GPBP1L1: variants seen among roughly 807,000 people sequenced by gnomAD.
GPBP1L1 encodes GC-rich promoter binding protein 1 like 1.
In GPBP1L1, 23 loss-of-function variants were observed where a neutral mutation model predicts 52.5. The observed-to-expected ratio is 0.44, with a 90% CI of 0.32 to 0.62. The LOEUF (loss-of-function observed/expected upper bound fraction) is 0.62, where lower values mean the gene tolerates loss of function less well. Ranked by LOEUF, GPBP1L1 falls within the 20% of genes least tolerant of loss-of-function variation. The pLI is 0.06. For synonymous variants in GPBP1L1, 243 were observed against 203.1 expected (o/e 1.20, Z -1.67); for missense variants, 596 against 579.3 (o/e 1.03, Z -0.30).
chr1:45,664,471 CAGG>C (rs1644985474), intron 2 of GPBP1L1, among the ~76,000 whole-genome samples: 2 of 152,078 alleles, frequency 1.3e-5, no homozygotes, highest in South Asian at 4.2e-4. Flanking sequence ...GAGGCTGAGG[CAGG>C]AGAATGGCGT....
At chr1:45,629,772 G>A in intron 11 of GPBP1L1, 94 bp from the exon 12 acceptor site, 1 of 804,040 alleles carries the variant, frequency 1.2e-6, no homozygotes, top group Non-Finnish European at 2.1e-6. Context: ...TTCTGCCCAG[G>A]GGCAATGGAT....
At chr1:45,647,860 G>A (rs1165664976) in intron 6 of GPBP1L1, among the ~76,000 whole-genome samples, 2 of 152,152 alleles carry the variant, frequency 1.3e-5, no homozygotes, top group East Asian at 1.9e-4. Context: ...AGGGAAATGG[G>A]GGACTCATTC....
Position 45,627,918 on chromosome 1 carries a change from A to G in GPBP1L1, c.*338T>C, listed in dbSNP as rs1644476696. 1.1e-5 allele frequency: 2 copies of G among 187,954 alleles called. No homozygotes were observed. Among genetic ancestry groups the G allele is most frequent in the Middle Eastern group, 2.0e-3 (1 of 488 alleles). The allele number at this position is 187,954 out of a possible 1,614,324, so 11.6% of individuals were successfully genotyped here. On this transcript the variant is annotated 3_prime_UTR_variant, in exon 13 of 13. Transcript: ENST00000355105. ...AGGGGTGAGTGCCCCAAGGGCTGGTAGTAGAAGCTGTTGCTGCAGACCAGT... is the reference window on the plus strand; with the variant it reads ...AGGGGTGAGTGCCCCAAGGGCTGGTGGTAGAAGCTGTTGCTGCAGACCAGT...
chr1:45,662,754 A>G (rs1049362130), intron 2 of GPBP1L1, among the ~76,000 whole-genome samples: 2 of 152,094 alleles, frequency 1.3e-5, no homozygotes, highest in African/African-American at 2.4e-5. Flanking sequence ...AACTTCTAAC[A>G]CTTAAAAGAA....
chr1:45,662,512 T>C (rs1644958596), intron 2 of GPBP1L1, among the ~76,000 whole-genome samples: 1 of 152,094 alleles, frequency 6.6e-6, no homozygotes, highest in Non-Finnish European at 1.5e-5. Context: ...TACTGGTAAA[T>C]CTTAGTTTGG....
intron 2 of GPBP1L1, among the ~76,000 whole-genome samples, chr1:45,669,242 C>T (rs904237511): frequency 3.3e-5 from 5 of 152,164 alleles, no homozygotes; most frequent in African/African-American, 7.2e-5. Flanking sequence ...CATAGTTCAC[C>T]ATAGCTTTAA....
At chr1:45,635,494 A>G (rs1644582472) in intron 8 of GPBP1L1, 1 of 152,208 alleles carries the variant, frequency 6.6e-6, no homozygotes, top group Non-Finnish European at 1.5e-5. Flanking sequence ...CTGCCACAGT[A>G]GTACAAAAGA....
At chr1:45,683,735 CCTCT>C (rs1482184407) in intron 2 of GPBP1L1, among the ~76,000 whole-genome samples, 106 of 137,556 alleles carry the variant, frequency 7.7e-4, no homozygotes, top group African/African-American at 2.7e-3. Flanking sequence ...CCCTCCCCCT[CCTCT>C]CTAATAAAAT....
At chr1:45,681,551 C>T (rs575389555) in intron 2 of GPBP1L1, among the ~76,000 whole-genome samples, 30 of 152,252 alleles carry the variant, frequency 2.0e-4, no homozygotes, top group African/African-American at 6.0e-4. Flanking sequence ...AAAAACACCC[C>T]TCCGTGTGCA....
intron 7 of GPBP1L1, 104 bp downstream of exon 7, chr1:45,642,323 T>C: frequency 2.5e-6 from 2 of 802,384 alleles, no homozygotes; most frequent in Non-Finnish European, 4.3e-6. Flanking sequence ...GGCAAATGCA[T>C]GAGATGAGAA....
chr1:45,656,593 A>G (rs1358871320), intron 4 of GPBP1L1, among the ~76,000 whole-genome samples: 1 of 152,144 alleles, frequency 6.6e-6, no homozygotes, highest in Non-Finnish European at 1.5e-5. Context: ...TTCTAGCTCA[A>G]AAACACAACA....
rs889675418 is a variant in GPBP1L1, at chr1:45,630,763, G to A, written c.1045-157C>T. 1.1e-4 allele frequency: 62 copies of A among 573,046 alleles called. No homozygotes were observed. The Admixed American group carries it at 1.7e-3, about 16-fold the overall frequency. 35.5% of individuals were successfully genotyped at this position (573,046 alleles called of 1,614,324 possible). A position where few individuals can be genotyped will look rare whatever the true frequency, so the allele number is the denominator to read the frequency against. ...CCCCATTTACAAATGAGGACCTGCT[G>A]CATCAACAAAACTGATTCTAAAGTT... On this transcript the variant is annotated intron_variant, in intron 10 of 12. Transcript: ENST00000355105.
chr1:45,667,399 T>TA lies in GPBP1L1; in HGVS notation c.-1097-6175dup, dbSNP rs1211070090. ...TTTTATCTCTTCAAAACCTCCAACTTATCGGGCACCTCATATGTCAGGCGC... is the reference window on the plus strand; with the variant it reads ...TTTTATCTCTTCAAAACCTCCAACTTAATCGGGCACCTCATATGTCAGGCGC... On this transcript the variant is annotated intron_variant, in intron 2 of 12. Transcript: ENST00000355105. 5.3e-5 allele frequency among the ~76,000 whole-genome samples: 8 copies of TA among 152,266 alleles called. No individual in the cohort carries two copies. In the East Asian group the frequency reaches 1.5e-3, roughly 29 times the overall value.
rs757341252 is a variant in GPBP1L1 at position 45,628,310 on chromosome 1, G to A, written c.1371C>T (p.Asp457=). Residue 457 remains aspartate (D), a synonymous_variant, in exon 13 of 13, where the codon GAC becomes GAT. Transcript: ENST00000355105. The part of the protein sequence containing the change: ...WRSTCKAEFE[D]SDTETSSSET... ...CACTGCTACTGGTTTCGGTGTCTGAGTCCTCAAACTCTGCTTTGCAAGTGC... is the reference window on the plus strand; with the variant it reads ...CACTGCTACTGGTTTCGGTGTCTGAATCCTCAAACTCTGCTTTGCAAGTGC... 1.2e-6 allele frequency: 2 copies of A among 1,614,126 alleles called. No individual in the cohort carries two copies. Among genetic ancestry groups the A allele is most frequent in the South Asian group, 1.1e-5 (1 of 91,084 alleles).
At chr1:45,673,134 G>C (rs1423866562) in intron 2 of GPBP1L1, among the ~76,000 whole-genome samples, 3 of 152,174 alleles carry the variant, frequency 2.0e-5, no homozygotes, top group Admixed American at 1.3e-4. Context: ...TCAGAGGGGT[G>C]AGATGGGATG....
chr1:45,684,380 G>C (rs563901006), intron 2 of GPBP1L1, among the ~76,000 whole-genome samples: 14 of 151,362 alleles, frequency 9.2e-5, no homozygotes, highest in Non-Finnish European at 1.3e-4. Context: ...ATAAAATAAA[G>C]ATATGCAATC....
chr1:45,668,658 A>T (rs1645039201), intron 2 of GPBP1L1, among the ~76,000 whole-genome samples: 1 of 152,172 alleles, frequency 6.6e-6, no homozygotes, highest in Non-Finnish European at 1.5e-5. Flanking sequence ...CTCTGTCTCA[A>T]AAACAAAAAC....
intron 2 of GPBP1L1, among the ~76,000 whole-genome samples, chr1:45,667,365 T>A (rs1645022766): frequency 6.6e-6 from 1 of 152,224 alleles, no homozygotes; most frequent in Non-Finnish European, 1.5e-5. Context: ...CATAAACATC[T>A]GTCAAATATT....
intron 4 of GPBP1L1, among the ~76,000 whole-genome samples, chr1:45,657,256 G>A (rs1227253046): frequency 6.6e-6 from 1 of 152,202 alleles, no homozygotes; most frequent in African/African-American, 2.4e-5. Context: ...GTTTAGAGCC[G>A]GGTGTGGTGG....
Sources: allele counts gnomAD v4.1 joint callset (sites outside exome capture counted in the v4.1 genomes callset), GRCh38; gene constraint gnomAD v4.1.1; transcripts MANE v1.5; gene names NCBI Gene and HGNC (gene_info 2026-07-23, HGNC 2026-07-21).